The following NAT8L variants were observed in gnomAD, a reference collection of about 807,000 sequenced individuals.
NAT8L encodes aspartate N-acetyltransferase.
A neutral mutation model predicts 21.2 loss-of-function variants in NAT8L; 6 were observed. That is an observed-to-expected ratio of 0.28 (90% CI 0.16 to 0.56). The LOEUF (loss-of-function observed/expected upper bound fraction) is 0.56, where lower values mean the gene tolerates loss of function less well. NAT8L is among the 20% of genes least tolerant of loss of function. The probability of loss-of-function intolerance (pLI) is 0.93; values close to 1 mark genes in which losing one functional copy is unlikely to be tolerated. For synonymous variants in NAT8L, 239 were observed against 204.9 expected (o/e 1.17, Z -1.42); for missense variants, 331 against 433.3 (o/e 0.76, Z 2.10).
At position 2,065,544 on chromosome 4, in the gene NAT8L, C is replaced by CGTCT. The variant is rs1282541384; in HGVS notation, c.*1417_*1418insGTCT. ...GGCAGGAGAAGAATAAACACTTGCC[C>CGTCT]AGACCCCTTTGTGTGGGGGAATTGG... On this transcript the variant is annotated 3_prime_UTR_variant, in exon 3 of 3. Transcript: ENST00000423729. 2 of 152,390 alleles carry CGTCT rather than the reference C, an allele frequency of 1.3e-5. No homozygotes were observed. The highest frequency in any genetic ancestry group is 2.9e-5 in the Non-Finnish European group (2 of 68,198). The allele number at this position is 152,390 out of a possible 1,614,324, so 9.4% of individuals were successfully genotyped here.
intron 2 of NAT8L, 133 bp from the exon 3 acceptor site, chr4:2,063,627 A>C: frequency 6.5e-7 from 1 of 1,527,810 alleles, no homozygotes; most frequent in Non-Finnish European, 8.9e-7. Flanking sequence ...GGCTGCCGGG[A>C]TTGGGTGTCC....
In NAT8L at chr4:2,059,980, C is replaced by G; in HGVS notation, c.376+93C>G. The stretch of plus-strand genomic sequence containing the variant: ...CCACGCGGACCCCGCGCCCGGCTCC[C>G]GGGGACCAGCCTGGGAAGCCCCCCG... On this transcript the variant is annotated intron_variant, in intron 1 of 2. Coordinates refer to ENST00000423729, the MANE Select transcript of NAT8L (RefSeq NM_178557.4). This position sits in a 1 kb window ranked among gnomAD's most constrained non-coding sequence, Gnocchi z 4.8. The G allele has an allele frequency of 4.0e-6, 3 of 742,658 alleles. No homozygotes were observed. Among genetic ancestry groups the G allele is most frequent in the Non-Finnish European group, 5.2e-6 (3 of 574,660 alleles). 46.0% of individuals were successfully genotyped at this position (742,658 alleles called of 1,614,324 possible).
In NAT8L at chr4:2,059,394, CGCT is replaced by C. The variant is rs1357102979; in HGVS notation, c.-115_-113del. The C allele has an allele frequency of 1.7e-5, 4 of 232,108 alleles. No individual in the cohort carries two copies. Among genetic ancestry groups the C allele is most frequent in the South Asian group, 1.4e-4 (1 of 6,900 alleles). The allele number at this position is 232,108 out of a possible 1,614,324, so 14.4% of individuals were successfully genotyped here. The stretch of plus-strand genomic sequence containing the variant: ...CCTGAGCTGCCGCCGCCGCCGCCGC[CGCT>C]GCCGCCGCCGCCGCCGCCGCCGCGG... On this transcript the variant is annotated 5_prime_UTR_variant, in exon 1 of 3. Coordinates refer to ENST00000423729, the MANE Select transcript of NAT8L (RefSeq NM_178557.4). The surrounding 1 kb of genome is among the most constrained non-coding windows in gnomAD (Gnocchi z 4.8).
intron 2 of NAT8L, among the ~76,000 whole-genome samples, chr4:2,061,538 G>A (rs1300196200): frequency 6.6e-6 from 1 of 152,202 alleles, no homozygotes; most frequent in East Asian, 1.9e-4. Flanking sequence ...GAGGGCTTGT[G>A]TGGCAGGGGC....
In NAT8L at chr4:2,059,907, G is replaced by A. The variant is rs1729818973; in HGVS notation, c.376+20G>A. 13 of 1,252,996 alleles carry A rather than the reference G, an allele frequency of 1.0e-5. No homozygotes were observed. The highest frequency in any genetic ancestry group is 3.3e-5 in the Admixed American group (1 of 29,940). The allele number at this position is 1,252,996 out of a possible 1,614,324, so 77.6% of individuals were successfully genotyped here. A position where few individuals can be genotyped will look rare whatever the true frequency, so the allele number is the denominator to read the frequency against. Reference sequence around the variant, plus strand: ...TGGCGGGTCAGTGCGCCGGGCCCCCGGCTGCCGCAGTCCCTCGGGCCGGCG... The same window carrying A: ...TGGCGGGTCAGTGCGCCGGGCCCCCAGCTGCCGCAGTCCCTCGGGCCGGCG... On this transcript the variant is annotated intron_variant, in intron 1 of 2. Transcript: ENST00000423729. This position sits in a 1 kb window ranked among gnomAD's most constrained non-coding sequence, Gnocchi z 4.8.
rs1729838207 is a variant in NAT8L at position 2,060,786 on chromosome 4, G to C, written c.377-212G>C. Reference sequence around the variant, plus strand: ...GTGTTTGGAAGCTCAGAGACCCGCCGAGGCTCATTCCAGGCGGTGGGGGTG... The same window carrying C: ...GTGTTTGGAAGCTCAGAGACCCGCCCAGGCTCATTCCAGGCGGTGGGGGTG... On this transcript the variant is annotated intron_variant, in intron 1 of 2. Coordinates refer to ENST00000423729, the MANE Select transcript of NAT8L (RefSeq NM_178557.4). This position sits in a 1 kb window ranked among gnomAD's most constrained non-coding sequence, Gnocchi z 4.7. Among the ~76,000 whole-genome samples the C allele has an allele frequency of 1.3e-5, 2 of 152,154 alleles. No individual in the cohort carries two copies. Among genetic ancestry groups the C allele is most frequent in the African/African-American group, 4.8e-5 (2 of 41,438 alleles).
chr4:2,061,253 G>A (rs1729853587), intron 2 of NAT8L, 91 bp downstream of exon 2: 1 of 1,561,752 alleles, frequency 6.4e-7, no homozygotes, highest in Non-Finnish European at 8.7e-7. Context: ...CCTGGGCGAG[G>A]GCCGGCGTGG....
Position 2,059,943 on chromosome 4 carries a change from C to T in NAT8L, c.376+56C>T, listed in dbSNP as rs1418229540. 1 of 1,042,618 alleles carries T rather than the reference C, an allele frequency of 9.6e-7. No individual in the cohort carries two copies. The highest frequency in any genetic ancestry group is 4.9e-5 in the Admixed American group (1 of 20,210). 64.6% of individuals were successfully genotyped at this position (1,042,618 alleles called of 1,614,324 possible). The stretch of plus-strand genomic sequence containing the variant: ...TCCCTCGGGCCGGCGCGGAGCTCCC[C>T]CGCCCCGGCGTCCACGCGGACCCCG... On this transcript the variant is annotated intron_variant, in intron 1 of 2. Coordinates refer to ENST00000423729, the MANE Select transcript of NAT8L (RefSeq NM_178557.4). The surrounding 1 kb of genome is among the most constrained non-coding windows in gnomAD (Gnocchi z 4.8).
In NAT8L at chr4:2,063,749, A is replaced by G. The variant is rs541989428; in HGVS notation, c.542-11A>G. ...CTCACCGGGTGTCCCTGACCGCCCT[A>G]TCCCCTGCAGGCTCCTGCTTCTGGG... On this transcript the variant is annotated splice_polypyrimidine_tract_variant and intron_variant, in intron 2 of 2. Coordinates refer to ENST00000423729, the MANE Select transcript of NAT8L (RefSeq NM_178557.4). 1.1e-4 allele frequency: 173 copies of G among 1,610,314 alleles called. No individual in the cohort carries two copies. The highest frequency in any genetic ancestry group is 2.5e-4 in the African/African-American group (19 of 75,028).
Position 2,059,691 on chromosome 4 carries a change from G to C in NAT8L, c.180G>C (p.Val60=). ...AAPPAPPPAP[V]AQPHGGAGGA... ...CCCCCGCGCCCCCACCTGCCCCGGT[G>C]GCTCAGCCTCACGGCGGGGCGGGGG... The change falls in exon 1 of 3, where the codon GTG becomes GTC. Residue 60 remains valine, a synonymous_variant. Transcript: ENST00000423729. This position sits in a 1 kb window ranked among gnomAD's most constrained non-coding sequence, Gnocchi z 4.8. 1 of 1,054,172 alleles carries C rather than the reference G, an allele frequency of 9.5e-7. No homozygotes were observed. The highest frequency in any genetic ancestry group is 6.9e-5 in the East Asian group (1 of 14,570). 65.3% of individuals were successfully genotyped at this position (1,054,172 alleles called of 1,614,324 possible).
chr4:2,062,045 C>G (rs1282813254), intron 2 of NAT8L, among the ~76,000 whole-genome samples: 1 of 152,200 alleles, frequency 6.6e-6, no homozygotes, highest in African/African-American at 2.4e-5. Context: ...GAGCCCTGGC[C>G]AGCCTCTGCT....
chr4:2,059,525 C>T lies in NAT8L; in HGVS notation c.14C>T (p.Pro5Leu). The change falls in exon 1 of 3, where the codon CCT becomes CTT. Residue 5 changes from proline (P) to leucine (L), a missense_variant. Physicochemically the swap from Pro to Leu is moderately conservative, Grantham distance 98 (BLOSUM62 -3). Around this residue, in one of 2 missense-constraint regions of NAT8L, gnomAD observed 199 missense variants for 196.1 expected, o/e 1.01. Coordinates refer to ENST00000423729, the MANE Select transcript of NAT8L (RefSeq NM_178557.4). This position sits in a 1 kb window ranked among gnomAD's most constrained non-coding sequence, Gnocchi z 4.8. MHCGPPDMVCETKIV... is the reference protein window; with the variant it reads MHCGLPDMVCETKIV... Reference sequence around the variant, plus strand: ...CCGGCCGGGTGCATGCATTGTGGGCCTCCCGACATGGTCTGCGAGACGAAG... The same window carrying T: ...CCGGCCGGGTGCATGCATTGTGGGCTTCCCGACATGGTCTGCGAGACGAAG... 2 of 1,000,854 alleles carry T rather than the reference C, an allele frequency of 2.0e-6. No homozygotes were observed. The highest frequency in any genetic ancestry group is 2.4e-6 in the Non-Finnish European group (2 of 839,904). The allele number at this position is 1,000,854 out of a possible 1,614,324, so 62.0% of individuals were successfully genotyped here.
At position 2,059,741 on chromosome 4, in the gene NAT8L, G is replaced by T. The variant is rs1440856149; in HGVS notation, c.230G>T (p.Gly77Val). 5.7e-6 allele frequency: 7 copies of T among 1,225,704 alleles called. No individual in the cohort carries two copies. Among genetic ancestry groups the T allele is most frequent in the African/African-American group, 1.6e-5 (1 of 62,262 alleles). 75.9% of individuals were successfully genotyped at this position (1,225,704 alleles called of 1,614,324 possible). ...GGCGCGGGGCCGCCGGGGGGGCGCG[G>T]CGTGTGCATCCGCGAGTTCCGTGCG... ...AGGAGPPGGR[G>V]VCIREFRAAE... Residue 77 changes from glycine to valine, a missense_variant, in exon 1 of 3, where the codon GGC (glycine) becomes GTC (valine). Gly to Val is a moderately radical substitution (Grantham distance 109). This residue lies in a region of NAT8L where 199 missense variants were observed against 196.1 expected (regional missense o/e 1.01). Transcript: ENST00000423729. This position sits in a 1 kb window ranked among gnomAD's most constrained non-coding sequence, Gnocchi z 4.8.
intron 2 of NAT8L, among the ~76,000 whole-genome samples, chr4:2,062,624 C>A (rs538763407): frequency 2.2e-4 from 33 of 152,158 alleles, no homozygotes; most frequent in South Asian, 1.2e-3. Context: ...GGCTCCCCCC[C>A]ACGCTGCTTC....
chr4:2,064,163 C>G lies in NAT8L; in HGVS notation c.*36C>G. The stretch of plus-strand genomic sequence containing the variant: ...TCGCCCGCCCGCCCCCCCGGCCGCC[C>G]TGTCCGCCTTTGCCCGCCTGCCCGC... On this transcript the variant is annotated 3_prime_UTR_variant, in exon 3 of 3. Transcript: ENST00000423729. 7.0e-7 allele frequency: 1 copy of G among 1,419,116 alleles called. No individual in the cohort carries two copies. The allele number at this position is 1,419,116 out of a possible 1,614,324, so 87.9% of individuals were successfully genotyped here.
rs1373982773 is a variant in NAT8L, at chr4:2,060,002, C to T, written c.376+115C>T. On this transcript the variant is annotated intron_variant, in intron 1 of 2. Transcript: ENST00000423729. This position sits in a 1 kb window ranked among gnomAD's most constrained non-coding sequence, Gnocchi z 4.7. ...TCCCGGGGACCAGCCTGGGAAGCCC[C>T]CCGCTTTCTGCCGCGCCGGGCCCCG... The T allele has an allele frequency of 5.4e-6, 3 of 552,384 alleles. No homozygotes were observed. The highest frequency in any genetic ancestry group is 7.4e-6 in the Non-Finnish European group (3 of 404,264). 34.2% of individuals were successfully genotyped at this position (552,384 alleles called of 1,614,324 possible).
chr4:2,063,776 G>C lies in NAT8L; in HGVS notation c.558G>C (p.Val186=), dbSNP rs1729936203. The part of the protein sequence containing the change: ...YMKPPGSCFW[V]AVLDGNVVGI... ...CCCCTGCAGGCTCCTGCTTCTGGGT[G>C]GCCGTGCTGGATGGCAACGTGGTGG... Residue 186 remains valine (V), a synonymous_variant, in exon 3 of 3, where the codon GTG becomes GTC. Transcript: ENST00000423729. 2.5e-6 allele frequency: 4 copies of C among 1,611,698 alleles called. No individual in the cohort carries two copies. In the South Asian group the frequency reaches 4.4e-5, roughly 18 times the overall value.
In NAT8L at chr4:2,064,144, G is replaced by A. The variant is rs764955909; in HGVS notation, c.*17G>A. 230 of 1,460,404 alleles carry A rather than the reference G, an allele frequency of 1.6e-4. 1 individual carries two copies. The Middle Eastern group carries it at 1.7e-3, about 11-fold the overall frequency. The allele number at this position is 1,460,404 out of a possible 1,614,324, so 90.5% of individuals were successfully genotyped here. A position where few individuals can be genotyped will look rare whatever the true frequency, so the allele number is the denominator to read the frequency against. On this transcript the variant is annotated 3_prime_UTR_variant, in exon 3 of 3. Transcript: ENST00000423729. ...GAGGAGTGACCGCCGCCGCTCGCCC[G>A]CCCGCCCCCCCGGCCGCCCTGTCCG...
At chr4:2,063,590 C>T (rs1729933228) in intron 2 of NAT8L, among the ~76,000 whole-genome samples, 170 bp from the exon 3 acceptor site, 2 of 152,220 alleles carry the variant, frequency 1.3e-5, no homozygotes, top group South Asian at 4.1e-4. Flanking sequence ...CCCTTGGCTC[C>T]AGCAGAGCTG....
Sources: gnomAD v4.1 joint callset for allele counts (sites outside exome capture counted in the v4.1 genomes callset) on GRCh38, gnomAD v4.1.1 for gene constraint, gnomAD v4.1.1 regional missense constraint, Gnocchi (gnomAD v3.1) non-coding constraint, MANE v1.5 for transcripts, NCBI Gene and HGNC (gene_info 2026-07-23, HGNC 2026-07-21) for gene names.